CDON: variants seen among roughly 807,000 people sequenced by gnomAD.
The protein encoded by CDON is cell adhesion associated, oncogene regulated.
In CDON, 73 loss-of-function variants were observed where a neutral mutation model predicts 120.9. That is an observed-to-expected ratio of 0.60 (90% CI 0.50 to 0.73). The LOEUF (loss-of-function observed/expected upper bound fraction) is 0.73. CDON is among the 30% of genes least tolerant of loss of function. The pLI is 0.00. For synonymous variants in CDON, 566 were observed against 573.5 expected (o/e 0.99, Z 0.19); for missense variants, 1,470 against 1,587.3 (o/e 0.93, Z 1.26).
chr11:126,056,835 T>A (rs565691150), intron 1 of CDON, among the ~76,000 whole-genome samples: 2 of 152,336 alleles, frequency 1.3e-5, no homozygotes, highest in East Asian at 3.9e-4. Flanking sequence ...CAGTATAACA[T>A]CCTAGCTCCA....
chr11:126,039,500 G>A (rs1206903522), intron 1 of CDON, among the ~76,000 whole-genome samples: 3 of 152,114 alleles, frequency 2.0e-5, no homozygotes, highest in Non-Finnish European at 4.4e-5. Context: ...CACTCCAGAC[G>A]AATATAAAAC....
intron 8 of CDON, among the ~76,000 whole-genome samples, chr11:126,008,646 C>T (rs1020326064): frequency 2.0e-5 from 3 of 152,170 alleles, no homozygotes; most frequent in Admixed American, 6.5e-5. Context: ...CCTGTATTCA[C>T]ATAATCGCTT....
chr11:125,986,562 G>A (rs996765378), intron 15 of CDON, among the ~76,000 whole-genome samples: 3 of 152,066 alleles, frequency 2.0e-5, no homozygotes, highest in African/African-American at 7.2e-5. Context: ...TCAGGAGATC[G>A]AGACCATCCT....
At chr11:125,965,946 C>G (rs2134358800) in intron 18 of CDON, among the ~76,000 whole-genome samples, 1 of 152,150 alleles carries the variant, frequency 6.6e-6, no homozygotes, top group Non-Finnish European at 1.5e-5. Context: ...ACAAGCCTGA[C>G]CAACATGGAG....
At chr11:125,996,699 CAAAAAAAAA>C (rs71048761) in intron 12 of CDON, among the ~76,000 whole-genome samples, 1 of 53,354 alleles carries the variant, frequency 1.9e-5, no homozygotes, top group Non-Finnish European at 3.2e-5. Context: ...GACTCCATCT[CAAAAAAAAA>C]AAAAAAAAAA....
At chr11:125,978,487 C>T (rs1946205777) in intron 17 of CDON, 104 bp from the exon 18 acceptor site, 3 of 751,618 alleles carry the variant, frequency 4.0e-6, no homozygotes, top group Non-Finnish European at 7.1e-6. Flanking sequence ...GCCATGTCAA[C>T]CATAAATGGG....
chr11:126,017,704 CTCTT>C (rs1442797151), intron 5 of CDON, among the ~76,000 whole-genome samples: 1 of 148,374 alleles, frequency 6.7e-6, no homozygotes, highest in African/African-American at 2.5e-5. Context: ...ACAGACATAT[CTCTT>C]TTTTTTTTTT....
rs193144795 is a variant in CDON at position 126,050,353 on chromosome 11, C to A, written c.-62+12226G>T. On this transcript the variant is annotated intron_variant, in intron 1 of 19. Coordinates refer to ENST00000531738, the MANE Select transcript of CDON (RefSeq NM_001378964.1). ...AGTTCCAAATAACACTTTTCTCCAA[C>A]ATGCGAAAGAGGTATTTTGAAGGAC... 6.2e-4 allele frequency among the ~76,000 whole-genome samples: 94 copies of A among 152,104 alleles called. 1 individual carries two copies. Among genetic ancestry groups the A allele is most frequent in the African/African-American group, 1.8e-3 (73 of 41,516 alleles).
At chr11:126,000,928 A>C (rs1946925512) in intron 11 of CDON, among the ~76,000 whole-genome samples, 1 of 152,212 alleles carries the variant, frequency 6.6e-6, no homozygotes, top group Non-Finnish European at 1.5e-5. Flanking sequence ...CCTGGCTATA[A>C]GTGTAGTGCT....
rs1238962270 is a variant in CDON at position 126,062,602 on chromosome 11, TC to T, written c.-86del. 1 of 151,788 alleles carries T rather than the reference TC, an allele frequency of 6.6e-6. No homozygotes were observed. The highest frequency in any genetic ancestry group is 1.5e-5 in the Non-Finnish European group (1 of 68,096). The allele number at this position is 151,788 out of a possible 1,614,324, so 9.4% of individuals were successfully genotyped here. A position where few individuals can be genotyped will look rare whatever the true frequency, so the allele number is the denominator to read the frequency against. On this transcript the variant is annotated 5_prime_UTR_variant, in exon 1 of 20. An upstream open reading frame in the 5' UTR loses its in-frame stop. Coordinates refer to ENST00000531738, the MANE Select transcript of CDON (RefSeq NM_001378964.1). ...ACCTCTCCGCGGGGCTGGCTAAGCC[TC>T]CAGACCTCCTGCGCTGCAGCCGGCT...
rs763530578 is a variant in CDON, at chr11:126,010,502, C to A, written c.1391G>T (p.Arg464Ile). 1 of 1,614,062 alleles carries A rather than the reference C, an allele frequency of 6.2e-7. No individual in the cohort carries two copies. The highest frequency in any genetic ancestry group is 8.5e-7 in the Non-Finnish European group (1 of 1,179,998). Residue 464 changes from arginine to isoleucine, a missense_variant, in exon 8 of 20, where the codon AGA becomes ATA. Transcript: ENST00000531738. ...AGGCTCCAGGTTCAAGCCCTCAGGT[C>A]TTGATAACTGTGATTTTCGGGATTT... ...RSKSRKSQLS[R>I]PEGLNLEPVY...
chr11:126,015,743 C>T (rs1199565169), intron 6 of CDON, among the ~76,000 whole-genome samples: 3 of 152,060 alleles, frequency 2.0e-5, no homozygotes, highest in Non-Finnish European at 2.9e-5. Context: ...ATTACACCAC[C>T]CACTTAACTC....
chr11:126,039,729 C>G (rs1237590450), intron 1 of CDON, among the ~76,000 whole-genome samples: 1 of 152,172 alleles, frequency 6.6e-6, no homozygotes, highest in South Asian at 2.1e-4. Flanking sequence ...CATTATCACT[C>G]TTCTCAGCAG....
intron 1 of CDON, among the ~76,000 whole-genome samples, chr11:126,057,937 ATGGTAAGACATAAT>A (rs1948716849): frequency 6.6e-6 from 1 of 152,186 alleles, no homozygotes; most frequent in Admixed American, 6.5e-5. Flanking sequence ...TCCCACAACA[ATGGTAAGACATAAT>A]TTCTGTTATT....
At chr11:126,040,814 C>CA (rs71048763) in intron 1 of CDON, among the ~76,000 whole-genome samples, 1,434 of 44,982 alleles carry the variant, frequency 0.032, 176 homozygotes, top group Non-Finnish European at 0.04. Flanking sequence ...GACTCCGTCT[C>CA]AAAAAAAAAA....
At position 125,974,782 on chromosome 11, in the gene CDON, C is replaced by G. The variant is rs538973028; in HGVS notation, c.3356+3522G>C. ...CATCTTTCTCCTTAAGATATCAACT[C>G]ATACTTCAACTCTAAAACCAAATTT... On this transcript the variant is annotated intron_variant, in intron 18 of 19. Transcript: ENST00000531738. Among the ~76,000 whole-genome samples, 3 of 152,258 alleles carry G rather than the reference C, an allele frequency of 2.0e-5. No individual in the cohort carries two copies. In the South Asian group the frequency reaches 6.2e-4, roughly 32 times the overall value.
chr11:126,038,409 A>AG (rs1406830930), intron 1 of CDON, among the ~76,000 whole-genome samples: 1 of 152,068 alleles, frequency 6.6e-6, no homozygotes, highest in South Asian at 2.1e-4. Flanking sequence ...CCCAGCACTT[A>AG]GGGGGGCCGA....
Position 125,994,982 on chromosome 11 carries a change from A to G in CDON, c.2433T>C (p.Arg811=). Residue 811 remains arginine, a synonymous_variant, in exon 13 of 20, where the codon CGT becomes CGC. Coordinates refer to ENST00000531738, the MANE Select transcript of CDON (RefSeq NM_001378964.1). The part of the protein sequence containing the change: ...YGESFRSSAS[R]PYQVVGFPNR... The stretch of plus-strand genomic sequence containing the variant: ...TGGGGAACCCAACCACTTGATAAGG[A>G]CGAGATGCTGAACTCCGAAAACTCT... 3 of 1,614,166 alleles carry G rather than the reference A, an allele frequency of 1.9e-6. No homozygotes were observed. Among genetic ancestry groups the G allele is most frequent in the Non-Finnish European group, 2.5e-6 (3 of 1,179,998 alleles).
chr11:126,038,899 G>C (rs1313842714), intron 1 of CDON, among the ~76,000 whole-genome samples: 1 of 152,072 alleles, frequency 6.6e-6, no homozygotes, highest in African/African-American at 2.4e-5. Context: ...TACCTTCTTT[G>C]CTTGAACAGC....
Sources: allele counts gnomAD v4.1 joint callset (sites outside exome capture counted in the v4.1 genomes callset), GRCh38; gene constraint gnomAD v4.1.1; transcripts MANE v1.5; gene names NCBI Gene and HGNC (gene_info 2026-07-23, HGNC 2026-07-21).